Variants in MARK1 observed in about 807,000 individuals in gnomAD.
The protein encoded by MARK1 is serine/threonine-protein kinase MARK1.
MARK1 carries 40 observed loss-of-function variants against 96.3 expected under a neutral mutation model. The ratio of observed to expected loss-of-function variants is 0.42; its 90% CI spans 0.32 to 0.54. The LOEUF (loss-of-function observed/expected upper bound fraction) is 0.54. MARK1 is among the 20% of genes least tolerant of loss of function. The pLI, the probability that MARK1 is intolerant of heterozygous loss-of-function variation, is 0.16. For synonymous variants in MARK1, 317 were observed against 341.2 expected (o/e 0.93, Z 0.78); for missense variants, 719 against 984.6 (o/e 0.73, Z 3.61).
rs1054870679 is a variant in MARK1, at chr1:220,663,394, T to C, written c.*1228T>C. On this transcript the variant is annotated 3_prime_UTR_variant, in exon 18 of 18. Transcript: ENST00000366917. ...GTGATTGGGCATTTGCCTACTTTTC[T>C]TTCATAATTAGTGATATATGCGATG... 6.6e-6 allele frequency: 1 copy of C among 152,632 alleles called. No homozygotes were observed. The highest frequency in any genetic ancestry group is 1.5e-5 in the Non-Finnish European group (1 of 68,026). The allele number at this position is 152,632 out of a possible 1,614,324, so 9.5% of individuals were successfully genotyped here. A position where few individuals can be genotyped will look rare whatever the true frequency, so the allele number is the denominator to read the frequency against.
chr1:220,549,718 T>C (rs1327546416), intron 1 of MARK1, among the ~76,000 whole-genome samples: 1 of 152,160 alleles, frequency 6.6e-6, no homozygotes, highest in African/African-American at 2.4e-5. Context: ...TTTGTGGTGT[T>C]ACATAATGTT....
At chr1:220,644,436 C>G (rs1188838071) in intron 13 of MARK1, among the ~76,000 whole-genome samples, 1 of 118,990 alleles carries the variant, frequency 8.4e-6, no homozygotes, top group Non-Finnish European at 1.6e-5. Context: ...TAAAGACCTA[C>G]AAAGAGACTT....
In MARK1 at chr1:220,618,780, T is replaced by C. The variant is rs779188391; in HGVS notation, c.909+25T>C. 3 of 1,542,166 alleles carry C rather than the reference T, an allele frequency of 1.9e-6. No individual in the cohort carries two copies. In the South Asian group the frequency reaches 3.7e-5, roughly 19 times the overall value. ...AGTAAGTAAATTTTTGTACTCCAAA[T>C]TTAAATTTTAACAATTAAAATATTC... On this transcript the variant is annotated intron_variant, in intron 9 of 17. Coordinates refer to ENST00000366917, the MANE Select transcript of MARK1 (RefSeq NM_018650.5). This position sits in a 1 kb window ranked among gnomAD's most constrained non-coding sequence, Gnocchi z 4.6.
At position 220,632,613 on chromosome 1, in the gene MARK1, G is replaced by T. The variant is rs192942574; in HGVS notation, c.1122+300G>T. ...TCCAAATGTAACAGTCCCACCAAAGGTAATATGGTTATTCCAAGTGTGCAG... is the reference window on the plus strand; with the variant it reads ...TCCAAATGTAACAGTCCCACCAAAGTTAATATGGTTATTCCAAGTGTGCAG... On this transcript the variant is annotated intron_variant, in intron 11 of 17. Coordinates refer to ENST00000366917, the MANE Select transcript of MARK1 (RefSeq NM_018650.5). 5.9e-5 allele frequency among the ~76,000 whole-genome samples: 9 copies of T among 152,248 alleles called. No homozygotes were observed. The East Asian group carries it at 1.5e-3, about 26-fold the overall frequency.
At chr1:220,578,564 G>T (rs1664026935) in intron 1 of MARK1, among the ~76,000 whole-genome samples, 1 of 152,202 alleles carries the variant, frequency 6.6e-6, no homozygotes, top group Non-Finnish European at 1.5e-5. Flanking sequence ...TATACTTGAG[G>T]CAGGCTGCTG....
At chr1:220,604,696 C>A (rs1572161193) in intron 6 of MARK1, among the ~76,000 whole-genome samples, 1 of 151,582 alleles carries the variant, frequency 6.6e-6, no homozygotes, top group African/African-American at 2.4e-5. Context: ...TGACTTATTA[C>A]AGAAATGATA....
At chr1:220,586,989 T>G (rs896899963) in intron 3 of MARK1, among the ~76,000 whole-genome samples, 68 of 152,288 alleles carry the variant, frequency 4.5e-4, no homozygotes, top group Non-Finnish European at 2.9e-5. Flanking sequence ...TCTAATCTTG[T>G]TTTTAAAGAA....
intron 6 of MARK1, among the ~76,000 whole-genome samples, chr1:220,605,280 A>G (rs1352657889): frequency 6.6e-6 from 1 of 152,190 alleles, no homozygotes; most frequent in African/African-American, 2.4e-5. Context: ...AAAGGTATGC[A>G]TAGCACTTTT....
chr1:220,556,478 A>G (rs1285135825), intron 1 of MARK1, among the ~76,000 whole-genome samples: 1 of 104,446 alleles, frequency 9.6e-6, no homozygotes, highest in Non-Finnish European at 1.9e-5. Context: ...GACCCATGGG[A>G]CTGTCACAAA....
rs1035382988 is a variant in MARK1 at position 220,579,497 on chromosome 1, A to C, written c.195A>C (p.Thr65=). The change falls in exon 2 of 18, where the codon ACA becomes ACC. Residue 65 remains threonine (T), a synonymous_variant. Transcript: ENST00000366917. ...TTGGAAATTACCGTTTACAAAAAAC[A>C]ATAGGGAAGGGAAATTTTGCCAAAG... ...PHIGNYRLQK[T]IGKGNFAKVK... The C allele has an allele frequency of 1.2e-6, 2 of 1,614,104 alleles. No individual in the cohort carries two copies. Among genetic ancestry groups the C allele is most frequent in the Non-Finnish European group, 1.7e-6 (2 of 1,179,988 alleles).
intron 5 of MARK1, among the ~76,000 whole-genome samples, chr1:220,602,924 A>G (rs957453594): frequency 5.9e-5 from 9 of 152,096 alleles, no homozygotes; most frequent in South Asian, 2.1e-4. Flanking sequence ...CGCTGTGCTA[A>G]GCACATGCAT....
intron 6 of MARK1, among the ~76,000 whole-genome samples, chr1:220,614,381 T>C (rs1424524310): frequency 1.3e-5 from 2 of 152,098 alleles, no homozygotes; most frequent in African/African-American, 2.4e-5. Flanking sequence ...CATTTTAAAA[T>C]ATTTCTGTCC....
intron 3 of MARK1, among the ~76,000 whole-genome samples, chr1:220,593,735 G>A (rs1665144180): frequency 6.6e-6 from 1 of 152,118 alleles, no homozygotes. Context: ...GGAGTCAGAA[G>A]CCAAGGTAAA....
At chr1:220,625,999 G>A in intron 9 of MARK1, 1 of 546,038 alleles carries the variant, frequency 1.8e-6, no homozygotes, top group Admixed American at 2.0e-5. Flanking sequence ...TTCGAGCACA[G>A]CAAGCAGATG....
intron 1 of MARK1, among the ~76,000 whole-genome samples, chr1:220,543,842 A>G (rs538755364): frequency 2.0e-5 from 3 of 152,262 alleles, no homozygotes; most frequent in East Asian, 1.9e-4. Context: ...CAGTTTTTCT[A>G]GGGTGGGGTC....
chr1:220,611,345 G>A (rs1452832974), intron 6 of MARK1, among the ~76,000 whole-genome samples: 1 of 152,216 alleles, frequency 6.6e-6, no homozygotes, highest in African/African-American at 2.4e-5. Flanking sequence ...TGTGCTAGCG[G>A]TGAGCAAGGC....
At chr1:220,586,024 C>CGCGCAG (rs55874100) in intron 3 of MARK1, among the ~76,000 whole-genome samples, 5 of 151,462 alleles carry the variant, frequency 3.3e-5, no homozygotes, top group Admixed American at 2.0e-4. Context: ...CGCGCGTGCG[C>CGCGCAG]AGAGAGAGAG....
chr1:220,584,718 A>G (rs984587787), intron 3 of MARK1, among the ~76,000 whole-genome samples: 1 of 152,258 alleles, frequency 6.6e-6, no homozygotes, highest in African/African-American at 2.4e-5. Flanking sequence ...TCAGAATTCA[A>G]TATATTTTAG....
chr1:220,653,382 T>C (rs752240821), intron 16 of MARK1, 30 bp downstream of exon 16: 3 of 1,602,990 alleles, frequency 1.9e-6, no homozygotes, highest in Non-Finnish European at 2.6e-6. Flanking sequence ...CGTGTTTTGA[T>C]TCCTCTAGAA....
Sources: allele counts gnomAD v4.1 joint callset (sites outside exome capture counted in the v4.1 genomes callset), GRCh38; gene constraint gnomAD v4.1.1; non-coding constraint Gnocchi (gnomAD v3.1); transcripts MANE v1.5; gene names NCBI Gene and HGNC (gene_info 2026-07-23, HGNC 2026-07-21).